The following ADAMTSL3 variants were observed in gnomAD, a reference collection of about 807,000 sequenced individuals.
The protein encoded by ADAMTSL3 is ADAMTS like 3, also known as ADAMTS-like protein 3.
ADAMTSL3 carries 128 observed loss-of-function variants against 201.7 expected under a neutral mutation model. That is an observed-to-expected ratio of 0.63 (90% CI 0.55 to 0.73). ADAMTSL3 has a LOEUF of 0.73. ADAMTSL3 is among the 30% of genes least tolerant of loss of function. The pLI is 0.00. For synonymous variants in ADAMTSL3, 738 were observed against 748.4 expected, an observed-to-expected ratio of 0.99 and a Z score of 0.23; for missense variants, 1,990 against 2,119.6, an observed-to-expected ratio of 0.94 and a Z score of 1.20.
chr15:83,872,501 T>A (rs1318258231), intron 9 of ADAMTSL3, among the ~76,000 whole-genome samples: 2 of 152,026 alleles, frequency 1.3e-5, no homozygotes, highest in African/African-American at 2.4e-5. Context: ...CCTTTTTTTT[T>A]AAAGTCTCTC....
At chr15:83,814,249 A>G (rs1196606677) in intron 5 of ADAMTSL3, among the ~76,000 whole-genome samples, 1 of 152,156 alleles carries the variant, frequency 6.6e-6, no homozygotes, top group Admixed American at 6.5e-5. Flanking sequence ...ACTCTGGGCA[A>G]GAGTCACCCC....
chr15:83,813,287 T>C (rs1451195081), intron 5 of ADAMTSL3, among the ~76,000 whole-genome samples: 1 of 152,156 alleles, frequency 6.6e-6, no homozygotes, highest in Admixed American at 6.5e-5. Flanking sequence ...AAATCCTCCA[T>C]GGCTATTCGT....
chr15:83,658,971 T>C (rs1013763650), intron 2 of ADAMTSL3, among the ~76,000 whole-genome samples: 25 of 152,210 alleles, frequency 1.6e-4, no homozygotes, highest in African/African-American at 5.8e-4. Context: ...CTTTAGAAAC[T>C]GTTTTAACAT....
rs540202155 is a variant in ADAMTSL3, at chr15:83,846,687, T to C, written c.727+8472T>C. ...AATTTTGAGGGGTAAATCTGGGCAA[T>C]TGCAGGTTGCCAAACTTCCCAGGTG... is the stretch of plus-strand genomic sequence containing the variant. On this transcript the variant is annotated intron_variant, in intron 7 of 29. Transcript: ENST00000286744. Among the ~76,000 whole-genome samples, 115 of 152,290 alleles carry C rather than the reference T, an allele frequency of 7.6e-4. 3 individuals are homozygous for C. The South Asian group carries it at 0.023, about 31-fold the overall frequency.
At chr15:83,900,807 A>G (rs545527520) in intron 15 of ADAMTSL3, among the ~76,000 whole-genome samples, 1 of 152,198 alleles carries the variant, frequency 6.6e-6, no homozygotes, top group African/African-American at 2.4e-5. Context: ...AAATACATCT[A>G]TGCCCCATCC....
chr15:83,982,978 C>T lies in ADAMTSL3; in HGVS notation c.3350C>T (p.Ala1117Val), dbSNP rs770183441. 9.9e-6 allele frequency: 16 copies of T among 1,614,032 alleles called. No homozygotes were observed. The highest frequency in any genetic ancestry group is 8.3e-5 in the Admixed American group (5 of 59,992). The part of the protein sequence containing the change: ...METGEVSDDL[A>V]SQLIYQLVAE... ...ACCGGAGAGGTCAGCGATGATCTTGCGTCCCAGCTGATATATCAGCTGGTG... is the reference window on the plus strand; with the variant it reads ...ACCGGAGAGGTCAGCGATGATCTTGTGTCCCAGCTGATATATCAGCTGGTG... Residue 1117 changes from alanine (A) to valine (V), a missense_variant, in exon 21 of 30, where the codon GCG becomes GTG. Transcript: ENST00000286744.
At chr15:83,782,510 A>G (rs2063188147) in intron 4 of ADAMTSL3, among the ~76,000 whole-genome samples, 1 of 152,146 alleles carries the variant, frequency 6.6e-6, no homozygotes, top group Non-Finnish European at 1.5e-5. Flanking sequence ...GATAAAGAAA[A>G]TGTGGTACAT....
intron 10 of ADAMTSL3, among the ~76,000 whole-genome samples, chr15:83,887,475 T>C (rs529669822): frequency 3.1e-4 from 47 of 152,318 alleles, no homozygotes; most frequent in African/African-American, 1.1e-3. Context: ...CTGACATTCA[T>C]TCAGGTTATT....
Position 83,739,674 on chromosome 15 carries a change from A to G in ADAMTSL3, c.190-33849A>G, listed in dbSNP as rs1291273306. On this transcript the variant is annotated intron_variant, in intron 3 of 29. Coordinates refer to ENST00000286744, the MANE Select transcript of ADAMTSL3 (RefSeq NM_207517.3). ...GATACTCAACCTGTACTATTAAAAA[A>G]TAGTCATGGATTGCGTCTCCCCTGC... 1.3e-5 allele frequency: 3 copies of G among 225,858 alleles called. No individual in the cohort carries two copies. The East Asian group carries it at 2.8e-4, about 21-fold the overall frequency. 14.0% of individuals were successfully genotyped at this position (225,858 alleles called of 1,614,324 possible). A position where few individuals can be genotyped will look rare whatever the true frequency, so the allele number is the denominator to read the frequency against.
At chr15:83,843,383 C>T (rs763528808) in intron 7 of ADAMTSL3, among the ~76,000 whole-genome samples, 2 of 152,106 alleles carry the variant, frequency 1.3e-5, no homozygotes, top group Non-Finnish European at 2.9e-5. Context: ...CGTATGCATG[C>T]GCTTGAGCTA....
intron 2 of ADAMTSL3, among the ~76,000 whole-genome samples, chr15:83,674,734 C>CACATATATATACATATATAG (rs2061374338): frequency 7.7e-6 from 1 of 129,590 alleles, no homozygotes; most frequent in Non-Finnish European, 1.6e-5. Context: ...TACATATATA[C>CACATATATATACATATATAG]ACACATATAT....
chr15:83,736,271 A>C (rs907408872), intron 3 of ADAMTSL3, among the ~76,000 whole-genome samples: 1 of 152,248 alleles, frequency 6.6e-6, no homozygotes, highest in Admixed American at 6.5e-5. Flanking sequence ...TAATTTAAAA[A>C]TTAGACCATG....
chr15:83,789,800 C>G (rs903632194), intron 4 of ADAMTSL3, among the ~76,000 whole-genome samples: 3 of 152,126 alleles, frequency 2.0e-5, no homozygotes, highest in Non-Finnish European at 4.4e-5. Flanking sequence ...TAATAACATA[C>G]AGTCATGCCA....
At chr15:83,891,410 A>C in intron 12 of ADAMTSL3, 31 bp downstream of exon 12, 1 of 1,592,286 alleles carries the variant, frequency 6.3e-7, no homozygotes, top group Non-Finnish European at 8.6e-7. Flanking sequence ...TCCTTTTTGC[A>C]ATTTAAGTAG....
intron 28 of ADAMTSL3, among the ~76,000 whole-genome samples, chr15:84,034,052 G>T (rs1046306225): frequency 1.3e-5 from 2 of 152,192 alleles, no homozygotes; most frequent in East Asian, 3.9e-4. Flanking sequence ...TCCAGGATTG[G>T]CTGTTCTGTT....
chr15:83,823,931 CT>C (rs1352276700), intron 6 of ADAMTSL3, among the ~76,000 whole-genome samples: 1,344 of 133,168 alleles, frequency 0.01, 62 homozygotes, highest in African/African-American at 0.033. Flanking sequence ...TCTTCTTCTT[CT>C]TCTTCTTCTT....
chr15:83,681,086 C>G (rs1244952936), intron 2 of ADAMTSL3, among the ~76,000 whole-genome samples: 1 of 152,040 alleles, frequency 6.6e-6, no homozygotes, highest in Non-Finnish European at 1.5e-5. Context: ...GCAGTATTCC[C>G]CAAACTTGGG....
chr15:83,758,114 T>C (rs2062749955), intron 3 of ADAMTSL3, among the ~76,000 whole-genome samples: 2 of 152,212 alleles, frequency 1.3e-5, no homozygotes, highest in Non-Finnish European at 2.9e-5. Flanking sequence ...TGCATCCACA[T>C]TTTCAGGTAT....
chr15:83,772,830 C>T (rs1229197541), intron 3 of ADAMTSL3, among the ~76,000 whole-genome samples: 4 of 151,962 alleles, frequency 2.6e-5, no homozygotes, highest in Non-Finnish European at 5.9e-5. Context: ...TTTGGCCTCC[C>T]GAGTAGCTGG....
Sources: gnomAD v4.1 joint callset for allele counts (sites outside exome capture counted in the v4.1 genomes callset) on GRCh38, gnomAD v4.1.1 for gene constraint, MANE v1.5 for transcripts, NCBI Gene and HGNC (gene_info 2026-07-23, HGNC 2026-07-21) for gene names.